Variants in MAPT observed in about 807,000 individuals in gnomAD.
MAPT encodes microtubule-associated protein tau.
MAPT carries 34 observed loss-of-function variants against 67.9 expected under a neutral mutation model. The ratio of observed to expected loss-of-function variants is 0.50; its 90% CI spans 0.38 to 0.67. The LOEUF (loss-of-function observed/expected upper bound fraction) is 0.67. MAPT is among the 30% of genes least tolerant of loss of function. The pLI is 0.00. For missense variants in MAPT, 881 were observed against 1,115.2 expected, an observed-to-expected ratio of 0.79 and a Z score of 2.99; for synonymous variants, 456 against 464.5, an observed-to-expected ratio of 0.98 and a Z score of 0.23.
chr17:45,963,965 T>C (rs1568243541), intron 2 of MAPT, among the ~76,000 whole-genome samples: 4 of 152,032 alleles, frequency 2.6e-5, no homozygotes, highest in African/African-American at 4.8e-5. Flanking sequence ...CATGGGCGTA[T>C]TGGGGGAGCA....
chr17:46,006,067 G>A (rs1439144832), intron 9 of MAPT, among the ~76,000 whole-genome samples: 1 of 152,200 alleles, frequency 6.6e-6, no homozygotes, highest in African/African-American at 2.4e-5. Context: ...GGAGTGGATT[G>A]TACATTGAAA....
At chr17:46,018,843 T>G (rs2076349073) in intron 12 of MAPT, 113 bp downstream of exon 12, 1 of 792,198 alleles carries the variant, frequency 1.3e-6, no homozygotes, top group Non-Finnish European at 2.2e-6. Context: ...GCTTCTGTGT[T>G]GACTGGCTGG....
chr17:45,978,339 C>T (rs760317398), intron 3 of MAPT, 36 bp from the exon 4 acceptor site: 18 of 1,553,314 alleles, frequency 1.2e-5, no homozygotes, highest in Non-Finnish European at 8.9e-7. Context: ...AACTGTCTTG[C>T]TTTTACCCCC....
intron 1 of MAPT, among the ~76,000 whole-genome samples, chr17:45,941,704 T>TTCCC (rs1568208084): frequency 6.3e-5 from 4 of 63,016 alleles, no homozygotes; most frequent in Non-Finnish European, 9.8e-5. Flanking sequence ...CCTTCCTGCC[T>TTCCC]GCCTTCCTTC....
At chr17:45,989,792 AT>A in intron 6 of MAPT, 85 bp from the exon 7 acceptor site, 1 of 1,244,690 alleles carries the variant, frequency 8.0e-7, no homozygotes, top group Non-Finnish European at 1.2e-6. Context: ...TGCCTTATTT[AT>A]TTTTAGTTAC....
chr17:45,984,539 C>G (rs1215210161), intron 5 of MAPT, among the ~76,000 whole-genome samples: 1 of 152,248 alleles, frequency 6.6e-6, no homozygotes, highest in Non-Finnish European at 1.5e-5. Flanking sequence ...AGGTGACACA[C>G]ACAGCATCCA....
chr17:45,969,539 CTCGGT>C (rs2071426685), intron 2 of MAPT, among the ~76,000 whole-genome samples: 1 of 150,682 alleles, frequency 6.6e-6, no homozygotes, highest in Non-Finnish European at 1.5e-5. Context: ...CCATTCTTCC[CTCGGT>C]TCATCCATCC....
chr17:45,898,811 G>A (rs1381967233), intron 1 of MAPT: 4 of 152,128 alleles, frequency 2.6e-5, no homozygotes, highest in Non-Finnish European at 4.4e-5. Flanking sequence ...AGAGGTATTC[G>A]GTCCATACCA....
At chr17:45,939,645 A>G (rs2067679713) in intron 1 of MAPT, among the ~76,000 whole-genome samples, 1 of 152,180 alleles carries the variant, frequency 6.6e-6, no homozygotes, top group Non-Finnish European at 1.5e-5. Flanking sequence ...GAGGTTTCTA[A>G]TTACTCGCTC....
At chr17:45,946,615 A>AAAAAAAAAAATATATATATAT in intron 1 of MAPT, among the ~76,000 whole-genome samples, 23 of 100,352 alleles carry the variant, frequency 2.3e-4, no homozygotes, top group Admixed American at 3.4e-4. Context: ...AAAAAAAAAA[A>AAAAAAAAAAATATATATATAT]ATATATATAT....
chr17:45,946,615 A>AAAAAAAAAATATATATATAT, intron 1 of MAPT, among the ~76,000 whole-genome samples: 2 of 100,404 alleles, frequency 2.0e-5, no homozygotes, highest in African/African-American at 4.3e-5. Flanking sequence ...AAAAAAAAAA[A>AAAAAAAAAATATATATATAT]ATATATATAT....
chr17:45,981,230 A>G (rs1039439589), intron 4 of MAPT, among the ~76,000 whole-genome samples: 13 of 152,126 alleles, frequency 8.5e-5, no homozygotes, highest in African/African-American at 3.1e-4. Flanking sequence ...TCAGGGCTGC[A>G]GGTTTTGTTT....
intron 1 of MAPT, among the ~76,000 whole-genome samples, chr17:45,924,892 T>C (rs1429690310): frequency 6.6e-6 from 1 of 152,164 alleles, no homozygotes; most frequent in African/African-American, 2.4e-5. Context: ...GAATTTTCCC[T>C]CCTGTATCTT....
intron 12 of MAPT, among the ~76,000 whole-genome samples, chr17:46,021,756 G>A (rs996361818): frequency 2.0e-5 from 3 of 152,210 alleles, no homozygotes; most frequent in Admixed American, 6.5e-5. Flanking sequence ...GCCACGCTGA[G>A]TCTCAGCTTC....
rs186823793 is a variant in MAPT at position 46,006,623 on chromosome 17, T to C, written c.1999-3687T>C. ...GGTGAAACCCCGTCTCTACTAAAAA[T>C]ACAAAAATTAGCTGGGCATGGTGGC... On this transcript the variant is annotated intron_variant, in intron 9 of 12. Coordinates refer to ENST00000262410, the MANE Select transcript of MAPT (RefSeq NM_001377265.1). Among the ~76,000 whole-genome samples the C allele has an allele frequency of 2.6e-3, 388 of 151,846 alleles. 3 individuals are homozygous for C. The highest frequency in any genetic ancestry group is 3.2e-4 in the Non-Finnish European group (22 of 67,932).
At chr17:45,989,776 A>G (rs531197354) in intron 6 of MAPT, 102 bp from the exon 7 acceptor site, 43 of 1,053,844 alleles carry the variant, frequency 4.1e-5, no homozygotes, top group Admixed American at 3.4e-4. Context: ...GCTTTCAACC[A>G]TTACCTGCCT....
intron 1 of MAPT, among the ~76,000 whole-genome samples, chr17:45,916,859 G>A (rs2065245038): frequency 6.6e-6 from 1 of 152,198 alleles, no homozygotes; most frequent in African/African-American, 2.4e-5. Context: ...TCATGGCAAA[G>A]CTGGACTAGC....
chr17:45,965,086 G>A (rs148593687), intron 2 of MAPT, among the ~76,000 whole-genome samples: 13 of 152,098 alleles, frequency 8.5e-5, no homozygotes, highest in Admixed American at 2.6e-4. Context: ...CTGGGACTGG[G>A]GTGTGGGTGT....
chr17:45,922,159 T>G (rs1248970310), intron 1 of MAPT, among the ~76,000 whole-genome samples: 1 of 152,024 alleles, frequency 6.6e-6, no homozygotes, highest in Non-Finnish European at 1.5e-5. Flanking sequence ...ATTACAAGCA[T>G]GCAGCACCAC....
Sources: gnomAD v4.1 joint callset for allele counts (sites outside exome capture counted in the v4.1 genomes callset) on GRCh38, gnomAD v4.1.1 for gene constraint, MANE v1.5 for transcripts, NCBI Gene and HGNC (gene_info 2026-07-23, HGNC 2026-07-21) for gene names.